The following NHSL1 variants were observed in gnomAD, a reference collection of about 807,000 sequenced individuals.
The protein encoded by NHSL1 is NHS-like protein 1.
NHSL1 carries 48 observed loss-of-function variants against 95.0 expected under a neutral mutation model. That is an observed-to-expected ratio of 0.51 (90% confidence interval 0.40 to 0.64). NHSL1 has a LOEUF of 0.64. NHSL1 is among the 30% of genes least tolerant of loss of function. The probability of loss-of-function intolerance (pLI) is 0.00; values close to 1 mark genes in which losing one functional copy is unlikely to be tolerated. For missense variants in NHSL1, 1,971 were observed against 2,077.7 expected (o/e 0.95, Z 1.00); for synonymous variants, 783 against 833.9 (o/e 0.94, Z 1.05).
chr6:138,468,786 A>G (rs1460125927), intron 3 of NHSL1, among the ~76,000 whole-genome samples: 5 of 152,196 alleles, frequency 3.3e-5, no homozygotes, highest in Non-Finnish European at 7.3e-5. Context: ...ATATTTGTAC[A>G]ATGACCAATC....
intron 1 of NHSL1, among the ~76,000 whole-genome samples, chr6:138,615,341 G>T (rs1321000973): frequency 1.3e-5 from 2 of 152,210 alleles, no homozygotes; most frequent in Non-Finnish European, 2.9e-5. Flanking sequence ...TGGAAATTAT[G>T]ATTCTATTCA....
At chr6:138,489,781 GAGAAAGAA>G (rs1414494035) in intron 2 of NHSL1, among the ~76,000 whole-genome samples, 42 of 126,960 alleles carry the variant, frequency 3.3e-4, no homozygotes, top group Middle Eastern at 4.1e-3. Context: ...AAAAAAAAGA[GAGAAAGAA>G]AGAAAGAAAG....
chr6:138,646,797 C>A (rs79753843), intron 1 of NHSL1, among the ~76,000 whole-genome samples: 5 of 152,184 alleles, frequency 3.3e-5, no homozygotes, highest in Non-Finnish European at 5.9e-5. Flanking sequence ...TGCTCTCCTG[C>A]AGCTTACAAC....
upstream of NHSL1, among the ~76,000 whole-genome samples, chr6:138,575,891 C>T (rs1361538945): frequency 6.6e-6 from 1 of 152,200 alleles, no homozygotes; most frequent in Non-Finnish European, 1.5e-5. Flanking sequence ...GCCAAGGCTA[C>T]TTTGTGCCAA....
In NHSL1 at chr6:138,668,375, G is replaced by A. The variant is rs757232658; in HGVS notation, c.96+24101C>T. ...GAAGAATCGCTTGAACCTGGGAGGC[G>A]GAGGTTGCAGTGAGCCGAGATGGTG... On this transcript the variant is annotated intron_variant, in intron 1 of 3. Coordinates refer to the NHSL1 transcript ENST00000491526. Among the ~76,000 whole-genome samples the A allele has an allele frequency of 1.3e-3, 201 of 152,104 alleles. 1 individual carries two copies. Among genetic ancestry groups the A allele is most frequent in the Non-Finnish European group, 2.0e-3 (133 of 67,994 alleles).
intron 1 of NHSL1, among the ~76,000 whole-genome samples, chr6:138,535,119 A>C (rs1007703739): frequency 6.6e-6 from 1 of 152,218 alleles, no homozygotes; most frequent in Admixed American, 6.5e-5. Flanking sequence ...GGTTGAAAGT[A>C]GGCTATAAAG....
At chr6:138,501,936 AT>A (rs535666514), upstream of NHSL1, among the ~76,000 whole-genome samples, 169 of 152,080 alleles carry the variant, frequency 1.1e-3, 1 homozygote, top group African/African-American at 3.7e-3. Context: ...AAAAATATGT[AT>A]TTTTTTTATT....
upstream of NHSL1, among the ~76,000 whole-genome samples, chr6:138,574,006 C>T (rs1203296771): frequency 6.6e-6 from 1 of 152,116 alleles, no homozygotes; most frequent in Non-Finnish European, 1.5e-5. Flanking sequence ...TGGCATGATG[C>T]AAGCTCTGCC....
At chr6:138,599,776 T>C (rs980367691) in intron 1 of NHSL1, among the ~76,000 whole-genome samples, 1 of 152,144 alleles carries the variant, frequency 6.6e-6, no homozygotes, top group Admixed American at 6.5e-5. Flanking sequence ...AACTTTCCAA[T>C]GTCACCTAAA....
chr6:138,577,261 T>C (rs1468747128), upstream of NHSL1, among the ~76,000 whole-genome samples: 4 of 152,260 alleles, frequency 2.6e-5, no homozygotes, highest in African/African-American at 7.2e-5. Flanking sequence ...GGCATGTAAT[T>C]GCTCTACTCG....
intron 4 of NHSL1, among the ~76,000 whole-genome samples, chr6:138,443,770 C>T (rs1031374571): frequency 3.3e-5 from 5 of 152,190 alleles, no homozygotes; most frequent in African/African-American, 1.2e-4. Flanking sequence ...GCGGAGGTTG[C>T]AGTGAGCCGA....
chr6:138,602,049 G>T (rs1053181834), intron 1 of NHSL1, among the ~76,000 whole-genome samples: 4 of 152,004 alleles, frequency 2.6e-5, no homozygotes, highest in South Asian at 4.1e-4. Flanking sequence ...AATTAAGCTG[G>T]GATTTTTAAG....
intron 2 of NHSL1, among the ~76,000 whole-genome samples, chr6:138,486,521 C>G (rs1166481867): frequency 6.6e-6 from 1 of 152,040 alleles, no homozygotes; most frequent in Non-Finnish European, 1.5e-5. Flanking sequence ...TCTTCTTCCC[C>G]AGTTGTGCTC....
chr6:138,582,758 C>A (rs772346705), intron 1 of NHSL1, among the ~76,000 whole-genome samples: 1 of 152,164 alleles, frequency 6.6e-6, no homozygotes, highest in Non-Finnish European at 1.5e-5. Flanking sequence ...ACGCTCCATG[C>A]CTCCAGGCCC....
At chr6:138,614,432 A>G (rs9484190) in intron 1 of NHSL1, among the ~76,000 whole-genome samples, 51,748 of 152,046 alleles carry the variant, frequency 0.34, 10,081 homozygotes, top group African/African-American at 0.55. Context: ...AGAAAAATAA[A>G]CATCCACAAG....
upstream of NHSL1, among the ~76,000 whole-genome samples, chr6:138,546,013 C>T (rs1487056262): frequency 6.6e-6 from 1 of 152,150 alleles, no homozygotes; most frequent in Non-Finnish European, 1.5e-5. Context: ...ACGTGATCAA[C>T]AACACAAAAA....
Position 138,473,330 on chromosome 6 carries a change from A to C in NHSL1, c.315T>G (p.Asp105Glu), listed in dbSNP as rs1263411438. ...CCTTTTGATCTGTTTCTTCATCTTC[A>C]TCTTGGTAATCATCACAGAATGGGC... ...NASPFCDDYQ[D>E]EDEETDQKCS... is the part of the protein sequence containing the mutation. The change falls in exon 3 of 8, where the codon GAT becomes GAG. Residue 105 changes from aspartate to glutamate, a missense_variant. Transcript: ENST00000343505. 5 of 1,545,950 alleles carry C rather than the reference A, an allele frequency of 3.2e-6. No individual in the cohort carries two copies. Among genetic ancestry groups the C allele is most frequent in the Non-Finnish European group, 4.4e-6 (5 of 1,144,942 alleles).
At chr6:138,442,662 T>C (rs985345062) in intron 4 of NHSL1, among the ~76,000 whole-genome samples, 1 of 152,230 alleles carries the variant, frequency 6.6e-6, no homozygotes, top group Non-Finnish European at 1.5e-5. Flanking sequence ...CATACAACTA[T>C]AGTGAAAAAT....
In NHSL1 at chr6:138,431,210, T is replaced by A; in HGVS notation, c.3135A>T (p.Glu1045Asp). 2 of 1,534,758 alleles carry A rather than the reference T, an allele frequency of 1.3e-6. No individual in the cohort carries two copies. Among genetic ancestry groups the A allele is most frequent in the South Asian group, 2.4e-5 (2 of 82,400 alleles). The change falls in exon 6 of 8, where the codon GAA (glutamate) becomes GAT (aspartate). Residue 1045 changes from glutamate to aspartate, a missense_variant. Around this residue, in one of 3 missense-constraint regions of NHSL1, gnomAD observed 1,602 missense variants for 1,654.5 expected, o/e 0.97. Transcript: ENST00000343505. The surrounding 1 kb of genome is among the most constrained non-coding windows in gnomAD (Gnocchi z 4.0). ...GCGGCCTCAAGGATCCCCGGGAGGA[T>A]TCTGGCTGGCCAGAATTTGTGAAAG... Reference protein sequence around the residue: ...RPPFTNSGQPESSRGSLRPPS... With the variant: ...RPPFTNSGQPDSSRGSLRPPS...
Sources: gnomAD v4.1 joint callset for allele counts (sites outside exome capture counted in the v4.1 genomes callset) on GRCh38, gnomAD v4.1.1 for gene constraint, gnomAD v4.1.1 regional missense constraint, Gnocchi (gnomAD v3.1) non-coding constraint, MANE v1.5 for transcripts, NCBI Gene and HGNC (gene_info 2026-07-23, HGNC 2026-07-21) for gene names.